The following SERPINB11 variants were observed in gnomAD, a reference collection of about 807,000 sequenced individuals.
SERPINB11 encodes serpin B11.
SERPINB11 carries 32 observed loss-of-function variants against 36.7 expected under a neutral mutation model. The ratio of observed to expected loss-of-function variants is 0.87; its 90% CI spans 0.66 to 1.17. The LOEUF is 1.17. Ranked by LOEUF, SERPINB11 falls within the 50% of genes most tolerant of loss-of-function variation. The pLI is 0.00. For missense variants in SERPINB11, 528 were observed against 458.4 expected, an observed-to-expected ratio of 1.15 and a Z score of -1.39; for synonymous variants, 174 against 168.1, an observed-to-expected ratio of 1.04 and a Z score of -0.27.
chr18:63,715,311 CTA>C (rs1167971716), intron 4 of SERPINB11, among the ~76,000 whole-genome samples: 1 of 152,060 alleles, frequency 6.6e-6, no homozygotes, highest in Non-Finnish European at 1.5e-5. Flanking sequence ...GTCTCCAGTT[CTA>C]TAGAAATCTA....
Position 63,710,197 on chromosome 18 carries a change from G to A in SERPINB11, c.4G>A (p.Gly2Ser). The change falls in exon 2 of 8, where the codon GGT becomes AGT. Residue 2 changes from glycine to serine, a missense_variant. Physicochemically the swap from Gly to Ser is moderately conservative, Grantham distance 56. Transcript: ENST00000544088. The part of the protein sequence containing the change: M[G>S]SLSTANVEFC... Reference sequence around the variant, plus strand: ...TTCTCAGGCAGTCGGCATAAAAATGGGTTCTCTCAGCACAGCTAACGTTGA... The same window carrying A: ...TTCTCAGGCAGTCGGCATAAAAATGAGTTCTCTCAGCACAGCTAACGTTGA... The A allele has an allele frequency of 6.2e-7, 1 of 1,602,908 alleles. No individual in the cohort carries two copies. The highest frequency in any genetic ancestry group is 1.3e-5 in the African/African-American group (1 of 74,570).
At chr18:63,711,422 T>A in intron 3 of SERPINB11, 28 bp downstream of exon 3, 2 of 1,511,482 alleles carry the variant, frequency 1.3e-6, no homozygotes, top group Non-Finnish European at 1.8e-6. Context: ...AGTTGTCAAA[T>A]GCTCTTTAAC....
At chr18:63,721,551 G>T (rs981290058) in intron 7 of SERPINB11, among the ~76,000 whole-genome samples, 1 of 152,202 alleles carries the variant, frequency 6.6e-6, no homozygotes, top group Non-Finnish European at 1.5e-5. Context: ...CTGGACGTCT[G>T]GAAGCCTGCA....
intron 4 of SERPINB11, 38 bp from the exon 5 acceptor site, chr18:63,715,997 G>A: frequency 2.9e-6 from 4 of 1,397,364 alleles, no homozygotes; most frequent in Non-Finnish European, 4.0e-6. Context: ...TCCTTACACT[G>A]CTTTTGAATT....
intron 7 of SERPINB11, among the ~76,000 whole-genome samples, chr18:63,722,382 C>A (rs1254404375): frequency 1.3e-5 from 2 of 152,110 alleles, no homozygotes; most frequent in Admixed American, 1.3e-4. Context: ...GAAAGGTTTA[C>A]AAACAAATGA....
At chr18:63,711,207 C>T (rs1914512682) in intron 2 of SERPINB11, 128 bp from the exon 3 acceptor site, 1 of 704,060 alleles carries the variant, frequency 1.4e-6, no homozygotes, top group Admixed American at 2.6e-5. Flanking sequence ...ACTTGGAACA[C>T]ATTATTAAAT....
chr18:63,721,341 G>A (rs1914808242), intron 7 of SERPINB11, among the ~76,000 whole-genome samples: 1 of 132,984 alleles, frequency 7.5e-6, no homozygotes. Flanking sequence ...ATCTGATTAA[G>A]CCATTTTACT....
At chr18:63,703,328 C>T (rs545918451) in intron 1 of SERPINB11, among the ~76,000 whole-genome samples, 2 of 152,144 alleles carry the variant, frequency 1.3e-5, no homozygotes, top group African/African-American at 2.4e-5. Flanking sequence ...CATGCTGTGG[C>T]CTCTGTGTAT....
At chr18:63,706,849 T>C (rs1038161500) in intron 1 of SERPINB11, among the ~76,000 whole-genome samples, 1 of 152,170 alleles carries the variant, frequency 6.6e-6, no homozygotes, top group African/African-American at 2.4e-5. Flanking sequence ...CTGCCTGTCC[T>C]TCTTCTCTGA....
intron 1 of SERPINB11, among the ~76,000 whole-genome samples, chr18:63,704,930 T>C (rs1453571652): frequency 3.3e-5 from 5 of 152,206 alleles, no homozygotes; most frequent in African/African-American, 1.2e-4. Context: ...GCATCTGCCA[T>C]CGGCAAATGA....
Position 63,710,341 on chromosome 18 carries a change from A to G in SERPINB11, c.148A>G (p.Thr50Ala), listed in dbSNP as rs759839949. The change falls in exon 2 of 8, where the codon ACT becomes GCT. Residue 50 changes from threonine (T) to alanine (A), a missense_variant. By Grantham distance (58) the Thr-to-Ala change is moderately conservative. Transcript: ENST00000544088. ...SMVLLGARGE[T>A]EEQLEKVLHF... ...GGTCCTCCTTGGTGCCAGGGGAGAG[A>G]CTGAAGAGCAATTGGAGAAGGTATG... is the stretch of plus-strand genomic sequence containing the variant. 1 of 1,612,440 alleles carries G rather than the reference A, an allele frequency of 6.2e-7. No individual in the cohort carries two copies. Among genetic ancestry groups the G allele is most frequent in the South Asian group, 1.1e-5 (1 of 90,774 alleles).
chr18:63,716,646 T>C (rs1359073203), intron 5 of SERPINB11, among the ~76,000 whole-genome samples: 1 of 152,164 alleles, frequency 6.6e-6, no homozygotes, highest in Non-Finnish European at 1.5e-5. Flanking sequence ...TTCTAGATAT[T>C]CTATCATTTT....
chr18:63,721,061 G>A, intron 7 of SERPINB11, 75 bp downstream of exon 7: 1 of 1,294,154 alleles, frequency 7.7e-7, no homozygotes, highest in Non-Finnish European at 1.1e-6. Context: ...GACACACTGT[G>A]TATCTCATGA....
intron 1 of SERPINB11, 95 bp from the exon 2 acceptor site, chr18:63,710,084 C>T (rs1914476748): frequency 1.0e-6 from 1 of 984,444 alleles, no homozygotes; most frequent in East Asian, 2.8e-5. Flanking sequence ...GCAGTGTGCC[C>T]TGATACTTAA....
chr18:63,702,641 G>A (rs1914268769), upstream of SERPINB11, among the ~76,000 whole-genome samples: 1 of 152,054 alleles, frequency 6.6e-6, no homozygotes, highest in South Asian at 2.1e-4. Flanking sequence ...CATCTTGGGA[G>A]TCTCTGGGGA....
upstream of SERPINB11, chr18:63,702,763 A>T (rs1309450539): frequency 6.6e-6 from 1 of 152,144 alleles, no homozygotes; most frequent in Non-Finnish European, 1.5e-5. Context: ...CTCCCACCTC[A>T]GCCTTCCAAA....
In SERPINB11 at chr18:63,723,660, G is replaced by A. The variant is rs1598971315; in HGVS notation, c.*261G>A. On this transcript the variant is annotated 3_prime_UTR_variant, in exon 8 of 8. Transcript: ENST00000544088. The stretch of plus-strand genomic sequence containing the variant: ...GTGTCTCATTTGAGTGCTGTCCAGT[G>A]ACATGATCAAGTCAATGAGTAAAAT... The A allele has an allele frequency of 8.1e-6, 3 of 368,822 alleles. No homozygotes were observed. The East Asian group carries it at 1.3e-4, about 16-fold the overall frequency. The allele number at this position is 368,822 out of a possible 1,614,324, so 22.8% of individuals were successfully genotyped here. A position where few individuals can be genotyped will look rare whatever the true frequency, so the allele number is the denominator to read the frequency against.
chr18:63,719,921 A>G, intron 5 of SERPINB11, 92 bp from the exon 6 acceptor site: 2 of 1,063,764 alleles, frequency 1.9e-6, no homozygotes, highest in South Asian at 4.0e-5. Context: ...ATTAGTCTTA[A>G]AAAAGAAATG....
chr18:63,719,023 C>G (rs1427667352), intron 5 of SERPINB11, among the ~76,000 whole-genome samples: 2 of 152,010 alleles, frequency 1.3e-5, no homozygotes, highest in Non-Finnish European at 2.9e-5. Flanking sequence ...CCAGTAGACA[C>G]TAACTCTGTG....
Sources: gnomAD v4.1 joint callset for allele counts (sites outside exome capture counted in the v4.1 genomes callset) on GRCh38, gnomAD v4.1.1 for gene constraint, MANE v1.5 for transcripts, NCBI Gene and HGNC (gene_info 2026-07-23, HGNC 2026-07-21) for gene names.